RBFOX1: variants seen among roughly 807,000 people sequenced by gnomAD.
RBFOX1 encodes RNA binding fox-1 homolog 1, also known as RNA binding protein fox-1 homolog 1.
A neutral mutation model predicts 57.7 loss-of-function variants in RBFOX1; 8 were observed. That is an observed-to-expected ratio of 0.14 (90% confidence interval 0.08 to 0.25). RBFOX1 has a LOEUF of 0.25. RBFOX1 is among the 10% of genes least tolerant of loss of function. The pLI, the probability that RBFOX1 is intolerant of heterozygous loss-of-function variation, is 1.00. For missense variants in RBFOX1, 611 were observed against 548.5 expected, an observed-to-expected ratio of 1.11 and a Z score of -1.14; for synonymous variants, 326 against 222.4, an observed-to-expected ratio of 1.47 and a Z score of -4.15.
chr16:7,351,581 G>A (rs577665430), intron 4 of RBFOX1, among the ~76,000 whole-genome samples: 8 of 152,288 alleles, frequency 5.3e-5, no homozygotes, highest in South Asian at 2.1e-4. Context: ...ATGATGGTGC[G>A]GTGGATCATG....
intron 4 of RBFOX1, among the ~76,000 whole-genome samples, chr16:7,186,994 C>CA (rs35177784): frequency 0.047 from 3,234 of 68,764 alleles, 45 homozygotes; most frequent in Non-Finnish European, 0.06. Flanking sequence ...CCCACCTCCA[C>CA]AAAAAAAAAA....
chr16:6,796,150 G>T (rs1379000449), intron 3 of RBFOX1, among the ~76,000 whole-genome samples: 2 of 152,114 alleles, frequency 1.3e-5, no homozygotes, highest in East Asian at 3.9e-4. Context: ...GTCTCACATG[G>T]TGGCGGACAA....
chr16:6,020,606 G>A lies in RBFOX1; in HGVS notation c.-127+614G>A, dbSNP rs112859622. ...AACCTGCGAATGGGAAACTCCTACT[G>A]TGCCCCTGGTTCCTGGGAGCCTTAG... On this transcript the variant is annotated intron_variant, in intron 1 of 15. Coordinates refer to ENST00000550418, the MANE Select transcript of RBFOX1 (RefSeq NM_018723.4). 3.4e-3 allele frequency among the ~76,000 whole-genome samples: 518 copies of A among 152,274 alleles called. 2 individuals carry two copies. The highest frequency in any genetic ancestry group is 6.2e-3 in the Non-Finnish European group (423 of 68,018).
chr16:6,951,511 C>T (rs760842869), intron 3 of RBFOX1, among the ~76,000 whole-genome samples: 5 of 152,092 alleles, frequency 3.3e-5, no homozygotes, highest in Non-Finnish European at 7.4e-5. Flanking sequence ...ACTCATAAGT[C>T]TGGCCTGGGA....
At chr16:5,258,020 G>C (rs9937499) in intron 1 of RBFOX1, among the ~76,000 whole-genome samples, 3 of 151,700 alleles carry the variant, frequency 2.0e-5, no homozygotes, top group Non-Finnish European at 4.4e-5. Context: ...CTGGGACTGC[G>C]GGTGCACACC....
intron 1 of RBFOX1, among the ~76,000 whole-genome samples, chr16:6,194,814 G>A (rs114120775): frequency 0.011 from 1,662 of 152,166 alleles, 48 homozygotes; most frequent in African/African-American, 0.038. Context: ...TTCCCTTGAG[G>A]GCAAGAGCTT....
chr16:5,241,958 A>G (rs2062178695), intron 1 of RBFOX1, among the ~76,000 whole-genome samples: 1 of 151,902 alleles, frequency 6.6e-6, no homozygotes, highest in African/African-American at 2.4e-5. Context: ...AATAATAATA[A>G]TAAAATAAAA....
intron 3 of RBFOX1, among the ~76,000 whole-genome samples, chr16:5,634,420 C>G (rs1251421816): frequency 6.6e-6 from 1 of 152,138 alleles, no homozygotes; most frequent in Non-Finnish European, 1.5e-5. Context: ...TGTAATTGGA[C>G]ACTTACTCAT....
At chr16:7,269,480 C>T (rs1172965928) in intron 4 of RBFOX1, among the ~76,000 whole-genome samples, 1 of 151,648 alleles carries the variant, frequency 6.6e-6, no homozygotes, top group Admixed American at 6.6e-5. Flanking sequence ...GAGAGAGAGG[C>T]AGACAGAGGA....
At chr16:7,380,656 C>T (rs1455643017) in intron 4 of RBFOX1, among the ~76,000 whole-genome samples, 1 of 152,214 alleles carries the variant, frequency 6.6e-6, no homozygotes, top group African/African-American at 2.4e-5. Context: ...GCTGATCATC[C>T]AAATGTTTTG....
At chr16:6,322,835 A>G (rs896569611) in intron 2 of RBFOX1, among the ~76,000 whole-genome samples, 9 of 152,218 alleles carry the variant, frequency 5.9e-5, no homozygotes, top group African/African-American at 1.9e-4. Flanking sequence ...AAGGCCAGGC[A>G]CAGGGTGGGT....
chr16:7,404,377 C>T (rs529756133), intron 4 of RBFOX1, among the ~76,000 whole-genome samples: 1 of 152,114 alleles, frequency 6.6e-6, no homozygotes, highest in Non-Finnish European at 1.5e-5. Flanking sequence ...TTTAGTGTCA[C>T]CTTGTAGGTC....
At chr16:6,155,737 G>A (rs1041475410) in intron 1 of RBFOX1, among the ~76,000 whole-genome samples, 1 of 152,186 alleles carries the variant, frequency 6.6e-6, no homozygotes. Flanking sequence ...ATGGGAGGAC[G>A]GCAGGTGGCT....
chr16:5,396,567 AGGCG>A (rs1295012717), intron 1 of RBFOX1, among the ~76,000 whole-genome samples: 2 of 152,188 alleles, frequency 1.3e-5, no homozygotes, highest in African/African-American at 4.8e-5. Flanking sequence ...ACTTGAACTC[AGGCG>A]GCAGAGGTTG....
chr16:5,904,886 A>C (rs1337416706), intron 4 of RBFOX1, among the ~76,000 whole-genome samples: 1 of 148,110 alleles, frequency 6.8e-6, no homozygotes, highest in Non-Finnish European at 1.5e-5. Flanking sequence ...CTGAGGCAGG[A>C]GAATGGCGTG....
chr16:6,557,432 A>G (rs1182876624), intron 2 of RBFOX1, among the ~76,000 whole-genome samples: 6 of 152,190 alleles, frequency 3.9e-5, no homozygotes, highest in Admixed American at 6.5e-5. Flanking sequence ...CGATTTCACA[A>G]TAACAGCCAC....
At chr16:5,278,730 T>A (rs2063201075) in intron 1 of RBFOX1, among the ~76,000 whole-genome samples, 1 of 152,248 alleles carries the variant, frequency 6.6e-6, no homozygotes, top group South Asian at 2.1e-4. Context: ...GGCTGTTACG[T>A]TTAAGTCTTT....
At chr16:7,065,067 T>C (rs1008436232) in intron 4 of RBFOX1, among the ~76,000 whole-genome samples, 9 of 152,208 alleles carry the variant, frequency 5.9e-5, no homozygotes, top group African/African-American at 2.2e-4. Flanking sequence ...AGTATGTGAG[T>C]CACAGCGTGT....
intron 4 of RBFOX1, among the ~76,000 whole-genome samples, chr16:7,210,093 G>A (rs1234317795): frequency 6.6e-6 from 1 of 152,214 alleles, no homozygotes; most frequent in Non-Finnish European, 1.5e-5. Flanking sequence ...CATCTTTGCA[G>A]TGTGTGCATT....
Sources: gnomAD v4.1 joint callset for allele counts (sites outside exome capture counted in the v4.1 genomes callset) on GRCh38, gnomAD v4.1.1 for gene constraint, MANE v1.5 for transcripts, NCBI Gene and HGNC (gene_info 2026-07-23, HGNC 2026-07-21) for gene names.